Variants in THSD7B observed in about 807,000 individuals in gnomAD.
THSD7B encodes the protein thrombospondin type 1 domain containing 7B.
In THSD7B, 138 loss-of-function variants were observed where a neutral mutation model predicts 213.6. The ratio of observed to expected loss-of-function variants is 0.65; its 90% CI spans 0.56 to 0.74. The LOEUF is 0.74. Ranked by LOEUF, THSD7B falls within the 30% of genes least tolerant of loss-of-function variation. THSD7B has a pLI of 0.00. For missense variants in THSD7B, 1,931 were observed against 1,991.5 expected, an observed-to-expected ratio of 0.97 and a Z score of 0.58; for synonymous variants, 742 against 687.0, an observed-to-expected ratio of 1.08 and a Z score of -1.25.
At chr2:137,664,293 A>G (rs1683407252) in intron 26 of THSD7B, among the ~76,000 whole-genome samples, 1 of 152,256 alleles carries the variant, frequency 6.6e-6, no homozygotes, top group African/African-American at 2.4e-5. Context: ...ATTTGCTTCA[A>G]GAAATACTAG....
intron 3 of THSD7B, among the ~76,000 whole-genome samples, chr2:137,089,400 A>C (rs12995311): frequency 1.4e-5 from 2 of 147,328 alleles, no homozygotes; most frequent in Non-Finnish European, 1.5e-5. Context: ...ATATGTATAT[A>C]TACATATACA....
chr2:137,119,980 T>A (rs1688519038), intron 5 of THSD7B, among the ~76,000 whole-genome samples: 1 of 152,106 alleles, frequency 6.6e-6, no homozygotes, highest in Non-Finnish European at 1.5e-5. Context: ...GTCAATAAAG[T>A]CATTTGGGTG....
chr2:137,035,342 G>A (rs988417501), intron 2 of THSD7B, among the ~76,000 whole-genome samples: 1 of 152,088 alleles, frequency 6.6e-6, no homozygotes, highest in African/African-American at 2.4e-5. Context: ...TGTGGCATGA[G>A]GAGCTCTCCT....
rs542644898 is a variant in THSD7B, at chr2:136,930,772, C to T, written c.139+48455C>T. On this transcript the variant is annotated intron_variant, in intron 2 of 27. Transcript: ENST00000409968. ...AAATACCACAGATATTTTAAAGAATCGGCCTGAGCCAGGACTAAAGGGGCA... is the reference window on the plus strand; with the variant it reads ...AAATACCACAGATATTTTAAAGAATTGGCCTGAGCCAGGACTAAAGGGGCA... Among the ~76,000 whole-genome samples the T allele has an allele frequency of 5.6e-4, 85 of 152,242 alleles. 1 individual carries two copies. Among genetic ancestry groups the T allele is most frequent in the Admixed American group, 2.3e-3 (35 of 15,282 alleles).
intron 1 of THSD7B, among the ~76,000 whole-genome samples, chr2:136,808,810 G>A (rs770389561): frequency 1.3e-5 from 2 of 152,190 alleles, no homozygotes; most frequent in Non-Finnish European, 2.9e-5. Flanking sequence ...GTCTTTTACA[G>A]ATCTGTCCCC....
At chr2:137,536,078 G>A (rs77120039) in intron 15 of THSD7B, among the ~76,000 whole-genome samples, 24,794 of 148,710 alleles carry the variant, frequency 0.17, 2,193 homozygotes, top group South Asian at 0.28. Context: ...ACACGGCAGG[G>A]CCCTCTAACA....
chr2:137,039,635 C>G (rs1686843365), intron 2 of THSD7B, among the ~76,000 whole-genome samples: 1 of 152,172 alleles, frequency 6.6e-6, no homozygotes, highest in African/African-American at 2.4e-5. Context: ...TAGGAGCGTC[C>G]ATACTTGTCT....
At position 136,882,210 on chromosome 2, in the gene THSD7B, G is replaced by C; in HGVS notation, c.32G>C (p.Cys11Ser). The change falls in exon 2 of 28, where the codon TGC becomes TCC. Residue 11 changes from cysteine (C) to serine (S), a missense_variant. Transcript: ENST00000409968. Reference sequence around the variant, plus strand: ...CCAAAGAGCAACCTAACAGTCACTTGCTGGGTATGGAGGAGCATGAGGAAG... The same window carrying C: ...CCAAAGAGCAACCTAACAGTCACTTCCTGGGTATGGAGGAGCATGAGGAAG... Reference protein sequence around the residue: MFPKSNLTVTCWVWRSMRKLF... With the variant: MFPKSNLTVTSWVWRSMRKLF... 2 of 1,539,198 alleles carry C rather than the reference G, an allele frequency of 1.3e-6. No homozygotes were observed. Among genetic ancestry groups the C allele is most frequent in the East Asian group, 2.5e-5 (1 of 39,918 alleles).
At chr2:137,374,477 A>T (rs1182621463) in intron 12 of THSD7B, among the ~76,000 whole-genome samples, 1 of 152,176 alleles carries the variant, frequency 6.6e-6, no homozygotes, top group Non-Finnish European at 1.5e-5. Flanking sequence ...AGGACGTGAA[A>T]GTATATTCGA....
At chr2:136,814,039 GT>G (rs1457517002) in intron 1 of THSD7B, among the ~76,000 whole-genome samples, 1 of 152,070 alleles carries the variant, frequency 6.6e-6, no homozygotes. Context: ...ATATCCCCCT[GT>G]GTTCTGTTGC....
At chr2:136,971,455 C>T (rs1344713) in intron 2 of THSD7B, among the ~76,000 whole-genome samples, 74,599 of 151,606 alleles carry the variant, frequency 0.49, 19,249 homozygotes, top group East Asian at 0.81. Context: ...TTGAAAGTTC[C>T]CTGTGGTGTA....
intron 1 of THSD7B, among the ~76,000 whole-genome samples, chr2:136,823,786 C>A (rs914658175): frequency 9.2e-5 from 14 of 152,136 alleles, no homozygotes; most frequent in African/African-American, 3.4e-4. Context: ...AAAGGAATTT[C>A]TCTGTAATTC....
At chr2:137,293,325 A>G (rs57940171) in intron 12 of THSD7B, among the ~76,000 whole-genome samples, 7,886 of 151,892 alleles carry the variant, frequency 0.052, 497 homozygotes, top group African/African-American at 0.15. Context: ...TTTGGGTAGA[A>G]ACGGGTTTTG....
intron 12 of THSD7B, among the ~76,000 whole-genome samples, chr2:137,355,019 C>T (rs1685097452): frequency 6.6e-6 from 1 of 152,076 alleles, no homozygotes; most frequent in Admixed American, 6.6e-5. Context: ...ACAGCCAAAT[C>T]AAAACAAAAT....
intron 10 of THSD7B, among the ~76,000 whole-genome samples, chr2:137,254,517 AG>A (rs1324717183): frequency 2.6e-5 from 4 of 152,162 alleles, no homozygotes; most frequent in Admixed American, 2.0e-4. Context: ...TTCTGTCTTA[AG>A]CTTCTGTCTT....
chr2:136,862,875 G>T (rs572277494), intron 1 of THSD7B, among the ~76,000 whole-genome samples: 13 of 152,224 alleles, frequency 8.5e-5, no homozygotes, highest in Non-Finnish European at 1.8e-4. Context: ...TACTTTCAGG[G>T]ACTTAACTGC....
At chr2:136,853,966 A>G (rs1055933821) in intron 1 of THSD7B, among the ~76,000 whole-genome samples, 5 of 152,130 alleles carry the variant, frequency 3.3e-5, no homozygotes, top group African/African-American at 7.2e-5. Context: ...TTCTTTTAAC[A>G]TATCTCCATC....
intron 12 of THSD7B, among the ~76,000 whole-genome samples, chr2:137,289,954 G>A (rs1260193812): frequency 1.3e-5 from 2 of 151,866 alleles, no homozygotes; most frequent in African/African-American, 4.8e-5. Context: ...TAAACTCCAG[G>A]CGAAACTCAG....
At chr2:137,432,312 A>G (rs1419547345) in intron 14 of THSD7B, among the ~76,000 whole-genome samples, 1 of 152,210 alleles carries the variant, frequency 6.6e-6, no homozygotes, top group Non-Finnish European at 1.5e-5. Flanking sequence ...AATCGCTTGA[A>G]TTTGGGAGTC....
Sources: allele counts gnomAD v4.1 joint callset (sites outside exome capture counted in the v4.1 genomes callset), GRCh38; gene constraint gnomAD v4.1.1; transcripts MANE v1.5; gene names NCBI Gene and HGNC (gene_info 2026-07-23, HGNC 2026-07-21).